Variants in DHX37 observed in about 807,000 individuals in gnomAD.
The protein encoded by DHX37 is probable ATP-dependent RNA helicase DHX37.
Under a neutral mutation model 134.3 loss-of-function variants are expected in DHX37, and 52 were observed. That is an observed-to-expected ratio of 0.39 (90% CI 0.31 to 0.49). DHX37 has a LOEUF of 0.49. DHX37 is among the 20% of genes least tolerant of loss of function. The probability of loss-of-function intolerance (pLI) is 0.93; values close to 1 mark genes in which losing one functional copy is unlikely to be tolerated. For synonymous variants in DHX37, 634 were observed against 670.7 expected (o/e 0.95, Z 0.85); for missense variants, 1,344 against 1,580.8 (o/e 0.85, Z 2.54).
At chr12:124,975,923 G>A (rs919524795) in intron 5 of DHX37, among the ~76,000 whole-genome samples, 11 of 152,216 alleles carry the variant, frequency 7.2e-5, no homozygotes, top group Admixed American at 3.9e-4. Flanking sequence ...GGCCCTCGCT[G>A]GGTGCCTGAA....
intron 15 of DHX37, among the ~76,000 whole-genome samples, chr12:124,963,493 G>A (rs1261631785): frequency 6.6e-6 from 1 of 152,116 alleles, no homozygotes; most frequent in South Asian, 2.1e-4. Flanking sequence ...TTAAAATTAT[G>A]TACTTTATGG....
Position 124,952,538 on chromosome 12 carries a change from C to T in DHX37, c.2728G>A (p.Val910Met), listed in dbSNP as rs751873837. 28 of 1,600,222 alleles carry T rather than the reference C, an allele frequency of 1.7e-5. No homozygotes were observed. Among genetic ancestry groups the T allele is most frequent in the Admixed American group, 6.8e-5 (4 of 58,814 alleles). ...NAVCPEAELF[V>M]DPKMQPPTES... ...GTGGGCGGCTGCATCTTGGGATCCA[C>T]GAAGAGCTCAGCCTCGGGGCACACG... Residue 910 changes from valine to methionine, a missense_variant, in exon 21 of 27, where the codon GTG becomes ATG. Physicochemically the swap from Val to Met is conservative, Grantham distance 21. This residue lies in a region of DHX37 where 558 missense variants were observed against 650.0 expected (regional missense o/e 0.86). Transcript: ENST00000308736.
chr12:124,964,877 T>C, intron 14 of DHX37, 53 bp downstream of exon 14: 1 of 1,541,174 alleles, frequency 6.5e-7, no homozygotes, highest in Non-Finnish European at 8.8e-7. Context: ...CCAACCCCAC[T>C]GTAATGCCCT....
chr12:124,974,498 C>CT (rs1954589958), intron 6 of DHX37, among the ~76,000 whole-genome samples: 1 of 76,144 alleles, frequency 1.3e-5, no homozygotes, highest in Non-Finnish European at 2.5e-5. Context: ...GCATGCTGAC[C>CT]CGGGGGCCGG....
Position 124,947,464 on chromosome 12 carries a change from C to T in DHX37, c.*338G>A, listed in dbSNP as rs1005894498. On this transcript the variant is annotated 3_prime_UTR_variant, in exon 27 of 27. Transcript: ENST00000308736. ...CTCCTCGGCCTTCTGGCAGGGCGGG[C>T]GGGGAAGGGACTGCAGAGATCTCCA... is the stretch of plus-strand genomic sequence containing the variant. The T allele has an allele frequency of 2.8e-5, 6 of 213,172 alleles. No homozygotes were observed. The highest frequency in any genetic ancestry group is 1.9e-4 in the South Asian group (1 of 5,228). 13.2% of individuals were successfully genotyped at this position (213,172 alleles called of 1,614,324 possible).
intron 5 of DHX37, among the ~76,000 whole-genome samples, chr12:124,975,920 G>A (rs780503638): frequency 1.3e-5 from 2 of 152,216 alleles, no homozygotes; most frequent in African/African-American, 4.8e-5. Context: ...GCTGGCCCTC[G>A]CTGGGTGCCT....
At chr12:124,979,799 C>T (rs913360571) in intron 4 of DHX37, among the ~76,000 whole-genome samples, 2 of 152,222 alleles carry the variant, frequency 1.3e-5, no homozygotes, top group African/African-American at 4.8e-5. Context: ...TGGGTGATGA[C>T]ATCACCTAGA....
At chr12:124,979,196 G>C in intron 4 of DHX37, among the ~76,000 whole-genome samples, 1 of 152,120 alleles carries the variant, frequency 6.6e-6, no homozygotes, top group African/African-American at 2.4e-5. Flanking sequence ...GCAAAACCCC[G>C]TCTCTACAAA....
chr12:124,952,704 GCCA>G, intron 20 of DHX37, 134 bp from the exon 21 acceptor site: 1 of 887,708 alleles, frequency 1.1e-6, no homozygotes, highest in Middle Eastern at 3.5e-4. Flanking sequence ...CTCCCCAGAG[GCCA>G]CCAGCAGGAC....
intron 6 of DHX37, among the ~76,000 whole-genome samples, chr12:124,974,229 C>T (rs1954583000): frequency 6.6e-6 from 1 of 152,158 alleles, no homozygotes; most frequent in Non-Finnish European, 1.5e-5. Context: ...GCTGGGATTA[C>T]AGGCGTGAGC....
Position 124,980,987 on chromosome 12 carries a change from T to C in DHX37, c.390-149A>G. On this transcript the variant is annotated intron_variant, in intron 3 of 26. Coordinates refer to ENST00000308736, the MANE Select transcript of DHX37 (RefSeq NM_032656.4). This position sits in a 1 kb window ranked among gnomAD's most constrained non-coding sequence, Gnocchi z 5.3. ...CCTTCCTGCAGATACCTCCTCTCACTCCACTTAAGCCTCTGCTTAAGCACT... is the reference window on the plus strand; with the variant it reads ...CCTTCCTGCAGATACCTCCTCTCACCCCACTTAAGCCTCTGCTTAAGCACT... 1 of 824,916 alleles carries C rather than the reference T, an allele frequency of 1.2e-6. No individual in the cohort carries two copies. The highest frequency in any genetic ancestry group is 2.8e-5 in the East Asian group (1 of 36,004). The allele number at this position is 824,916 out of a possible 1,614,324, so 51.1% of individuals were successfully genotyped here.
At chr12:124,967,328 G>A in intron 10 of DHX37, 110 bp from the exon 11 acceptor site, 2 of 1,201,836 alleles carry the variant, frequency 1.7e-6, no homozygotes, top group Non-Finnish European at 2.3e-6. Flanking sequence ...GGGATAATGG[G>A]GGAGGACAGG....
At chr12:124,968,693 C>A in intron 9 of DHX37, 45 bp from the exon 10 acceptor site, 1 of 1,612,600 alleles carries the variant, frequency 6.2e-7, no homozygotes, top group Non-Finnish European at 8.5e-7. Context: ...GGGACACGAG[C>A]TTCGGCCCAG....
intron 8 of DHX37, 86 bp downstream of exon 8, chr12:124,971,216 G>C: frequency 6.5e-7 from 1 of 1,539,354 alleles, no homozygotes; most frequent in East Asian, 2.4e-5. Flanking sequence ...GGTACAACGG[G>C]GAACAGGTGA....
At chr12:124,955,962 A>G (rs1312476486) in intron 18 of DHX37, among the ~76,000 whole-genome samples, 2 of 152,186 alleles carry the variant, frequency 1.3e-5, no homozygotes, top group African/African-American at 4.8e-5. Flanking sequence ...AACAAAGAAA[A>G]ACCATCCAGA....
At chr12:124,985,362 T>C (rs1490646711) in intron 2 of DHX37, among the ~76,000 whole-genome samples, 1 of 152,164 alleles carries the variant, frequency 6.6e-6, no homozygotes, top group African/African-American at 2.4e-5. Context: ...TTCATCATAC[T>C]GTTCTCTTTA....
rs1594516572 is a variant in DHX37, at chr12:124,986,158, G to A, written c.214C>T (p.Leu72=). Reference sequence around the variant, plus strand: ...AGCACTTTCTTCTCCTTCTTGGTCAGAGGCTTCTTCTCCTTCTTCGACAGG... The same window carrying A: ...AGCACTTTCTTCTCCTTCTTGGTCAAAGGCTTCTTCTCCTTCTTCGACAGG... ...PPLSKKEKKP[L]TKKEKKVLQK... The change falls in exon 2 of 27, where the codon CTG becomes TTG. Residue 72 remains leucine (L), a synonymous_variant. Transcript: ENST00000308736. 3.7e-6 allele frequency: 6 copies of A among 1,614,178 alleles called. No homozygotes were observed. In the African/African-American group the frequency reaches 4.0e-5, roughly 11 times the overall value.
intron 2 of DHX37, among the ~76,000 whole-genome samples, chr12:124,983,418 T>TACACACACACACACACACACACAC (rs141343765): frequency 1.5e-4 from 22 of 148,218 alleles, no homozygotes; most frequent in South Asian, 6.5e-4. Context: ...ATGTGTGTAT[T>TACACACACACACACACACACACAC]ACACACACAC....
chr12:124,975,341 C>A, intron 6 of DHX37, 78 bp downstream of exon 6: 1 of 1,457,570 alleles, frequency 6.9e-7, no homozygotes, highest in South Asian at 1.2e-5. Flanking sequence ...ATGCTGCTCA[C>A]CTCCTCCTGG....
Sources: gnomAD v4.1 joint callset for allele counts (sites outside exome capture counted in the v4.1 genomes callset) on GRCh38, gnomAD v4.1.1 for gene constraint, gnomAD v4.1.1 regional missense constraint, Gnocchi (gnomAD v3.1) non-coding constraint, MANE v1.5 for transcripts, NCBI Gene and HGNC (gene_info 2026-07-23, HGNC 2026-07-21) for gene names.